The following HS3ST4 variants were observed in gnomAD, a reference collection of about 807,000 sequenced individuals.
HS3ST4 encodes heparan sulfate-glucosamine 3-sulfotransferase 4.
A neutral mutation model predicts 29.2 loss-of-function variants in HS3ST4; 17 were observed. The observed-to-expected ratio is 0.58, with a 90% confidence interval of 0.40 to 0.87. The LOEUF (loss-of-function observed/expected upper bound fraction) is 0.87. HS3ST4 is among the 40% of genes least tolerant of loss of function. The pLI, the probability that HS3ST4 is intolerant of heterozygous loss-of-function variation, is 0.00. For missense variants in HS3ST4, 627 were observed against 634.5 expected, an observed-to-expected ratio of 0.99 and a Z score of 0.13; for synonymous variants, 314 against 285.7, an observed-to-expected ratio of 1.10 and a Z score of -1.00.
chr16:26,084,079 C>T (rs1898756489), intron 1 of HS3ST4, among the ~76,000 whole-genome samples: 1 of 152,132 alleles, frequency 6.6e-6, no homozygotes, highest in African/African-American at 2.4e-5. Flanking sequence ...TTGGAGTTTG[C>T]CCTGATGGTC....
intron 1 of HS3ST4, among the ~76,000 whole-genome samples, chr16:26,134,354 T>A (rs903261032): frequency 4.5e-5 from 5 of 110,698 alleles, no homozygotes; most frequent in African/African-American, 1.8e-4. Context: ...TTTCTTTTCT[T>A]TTCTTTTCTT....
At chr16:26,034,089 G>A (rs1969559831) in intron 1 of HS3ST4, among the ~76,000 whole-genome samples, 1 of 152,180 alleles carries the variant, frequency 6.6e-6, no homozygotes, top group Non-Finnish European at 1.5e-5. Context: ...AAATGAGAGA[G>A]TCTCACCTCT....
At chr16:25,859,936 A>G (rs945068588) in intron 1 of HS3ST4, among the ~76,000 whole-genome samples, 1 of 152,172 alleles carries the variant, frequency 6.6e-6, no homozygotes, top group African/African-American at 2.4e-5. Flanking sequence ...AGGGAGATTT[A>G]CCACCTGAGC....
In HS3ST4 at chr16:26,103,943, ACT is replaced by A. The variant is rs1899019316; in HGVS notation, c.735-31667_735-31666del. ...TATTGTGAAAATTCAATAAATACAC[ACT>A]CACACACGAAATACAAAGTTAAATT... On this transcript the variant is annotated intron_variant, in intron 1 of 1. Transcript: ENST00000331351. Among the ~76,000 whole-genome samples the A allele has an allele frequency of 3.9e-5, 6 of 152,224 alleles. No individual in the cohort carries two copies. In the South Asian group the frequency reaches 1.2e-3, roughly 32 times the overall value.
At chr16:25,836,540 T>G (rs1261224167) in intron 1 of HS3ST4, among the ~76,000 whole-genome samples, 2 of 152,146 alleles carry the variant, frequency 1.3e-5, no homozygotes, top group Non-Finnish European at 2.9e-5. Context: ...ATAAATAAAG[T>G]CTCCACTTCT....
At chr16:26,111,584 G>A (rs1174227397) in intron 1 of HS3ST4, among the ~76,000 whole-genome samples, 3 of 152,162 alleles carry the variant, frequency 2.0e-5, no homozygotes, top group South Asian at 4.1e-4. Context: ...ATGTGATGAT[G>A]GAGGAGGCCA....
chr16:26,000,914 TA>T (rs1272599722), intron 1 of HS3ST4, among the ~76,000 whole-genome samples: 1 of 151,998 alleles, frequency 6.6e-6, no homozygotes, highest in African/African-American at 2.4e-5. Context: ...GTTTTGTTTT[TA>T]AAAAAAATTA....
intron 1 of HS3ST4, among the ~76,000 whole-genome samples, chr16:25,703,479 A>G (rs1966351123): frequency 6.6e-6 from 1 of 152,236 alleles, no homozygotes; most frequent in South Asian, 2.1e-4. Context: ...AGTGCTGGTA[A>G]GTCACTCGCT....
intron 1 of HS3ST4, among the ~76,000 whole-genome samples, chr16:25,760,410 C>G (rs1305183977): frequency 1.5e-5 from 2 of 135,490 alleles, no homozygotes; most frequent in Non-Finnish European, 3.1e-5. Flanking sequence ...AGGACCCACC[C>G]TAATGACTCC....
intron 1 of HS3ST4, among the ~76,000 whole-genome samples, chr16:25,999,888 A>ATATAT (rs1389351728): frequency 0.1 from 13,129 of 125,932 alleles, 940 homozygotes; most frequent in South Asian, 0.16. Context: ...TATATTATAT[A>ATATAT]TATATATTTT....
intron 1 of HS3ST4, among the ~76,000 whole-genome samples, chr16:25,734,947 C>T (rs1966596932): frequency 6.6e-6 from 1 of 152,156 alleles, no homozygotes; most frequent in Non-Finnish European, 1.5e-5. Flanking sequence ...AGTCAGCTCA[C>T]CCACCCTGGA....
chr16:25,714,288 G>A lies in HS3ST4; in HGVS notation c.734+21137G>A, dbSNP rs539954403. 2.6e-5 allele frequency among the ~76,000 whole-genome samples: 4 copies of A among 152,254 alleles called. No homozygotes were observed. The East Asian group carries it at 5.8e-4, about 22-fold the overall frequency. On this transcript the variant is annotated intron_variant, in intron 1 of 1. Coordinates refer to ENST00000331351, the MANE Select transcript of HS3ST4 (RefSeq NM_006040.3). ...GCACTGCCAACCTCATTCGCCAGAC[G>A]GGAACCACTGCTTAGAGCCGGCTGT...
intron 1 of HS3ST4, among the ~76,000 whole-genome samples, chr16:26,008,666 A>T (rs1969281542): frequency 6.6e-6 from 1 of 152,178 alleles, no homozygotes; most frequent in South Asian, 2.1e-4. Flanking sequence ...TAAAAATATA[A>T]AAAATAGCCA....
intron 1 of HS3ST4, among the ~76,000 whole-genome samples, chr16:25,885,176 C>A (rs924705578): frequency 3.3e-5 from 5 of 152,152 alleles, no homozygotes; most frequent in African/African-American, 1.2e-4. Context: ...TCAGAAAGTA[C>A]CTTTAATGTT....
At chr16:25,754,129 C>G (rs573625202) in intron 1 of HS3ST4, among the ~76,000 whole-genome samples, 4 of 152,070 alleles carry the variant, frequency 2.6e-5, no homozygotes, top group Admixed American at 6.6e-5. Context: ...GAGAAAGTGC[C>G]GGTCTTATAA....
At chr16:25,985,846 A>G (rs1969057017) in intron 1 of HS3ST4, among the ~76,000 whole-genome samples, 2 of 151,914 alleles carry the variant, frequency 1.3e-5, no homozygotes, top group African/African-American at 2.4e-5. Flanking sequence ...TCAGCATGCC[A>G]GGCAATTTTT....
At chr16:26,016,004 T>G (rs1969359071) in intron 1 of HS3ST4, among the ~76,000 whole-genome samples, 1 of 152,138 alleles carries the variant, frequency 6.6e-6, no homozygotes, top group Non-Finnish European at 1.5e-5. Context: ...TATTATACAA[T>G]GCACAAGGCA....
intron 1 of HS3ST4, among the ~76,000 whole-genome samples, chr16:25,880,102 G>A (rs776501632): frequency 2.6e-5 from 4 of 152,144 alleles, no homozygotes; most frequent in South Asian, 2.1e-4. Flanking sequence ...CTAATAATTG[G>A]TAGTACAATT....
chr16:25,821,840 G>A (rs1362975128), intron 1 of HS3ST4, among the ~76,000 whole-genome samples: 1 of 152,114 alleles, frequency 6.6e-6, no homozygotes, highest in African/African-American at 2.4e-5. Context: ...CCTAGGATGT[G>A]GTGGTTGCAG....
Sources: allele counts gnomAD v4.1 joint callset (sites outside exome capture counted in the v4.1 genomes callset), GRCh38; gene constraint gnomAD v4.1.1; transcripts MANE v1.5; gene names NCBI Gene and HGNC (gene_info 2026-07-23, HGNC 2026-07-21).